RAB23: variants seen among roughly 807,000 people sequenced by gnomAD.
RAB23 encodes RAB23, member RAS oncogene family.
A neutral mutation model predicts 30.0 loss-of-function variants in RAB23; 15 were observed. That is an observed-to-expected ratio of 0.50 (90% CI 0.33 to 0.77). The LOEUF is 0.77. Ranked by LOEUF, RAB23 falls within the 30% of genes least tolerant of loss-of-function variation. The pLI is 0.02. For synonymous variants in RAB23, 93 were observed against 94.0 expected (o/e 0.99, Z 0.06); for missense variants, 243 against 275.4 (o/e 0.88, Z 0.83).
At chr6:57,194,635 C>T (rs1410880816) in intron 5 of RAB23, 135 bp downstream of exon 5, 1 of 638,518 alleles carries the variant, frequency 1.6e-6, no homozygotes, top group African/African-American at 1.9e-5. Flanking sequence ...AAGTAGAAAG[C>T]CTTTAAATTC....
In RAB23 at chr6:57,187,243, C is replaced by T. The variant is rs981397698; in HGVS notation, c.*3218G>A. On this transcript the variant is annotated 3_prime_UTR_variant, in exon 7 of 7. Coordinates refer to ENST00000468148, the MANE Select transcript of RAB23 (RefSeq NM_016277.5). Reference sequence around the variant, plus strand: ...TACTAACATCCTACTGTAGATATTTCGAGAGACAGATGAAAATAATAATAA... The same window carrying T: ...TACTAACATCCTACTGTAGATATTTTGAGAGACAGATGAAAATAATAATAA... The T allele has an allele frequency of 2.6e-5, 4 of 152,164 alleles. No homozygotes were observed. Among genetic ancestry groups the T allele is most frequent in the East Asian group, 3.9e-4 (2 of 5,188 alleles). The allele number at this position is 152,164 out of a possible 1,614,324, so 9.4% of individuals were successfully genotyped here.
chr6:57,221,629 G>A (rs537004161), intron 1 of RAB23, 97 bp downstream of exon 1: 6 of 152,582 alleles, frequency 3.9e-5, no homozygotes, highest in East Asian at 1.9e-4. Flanking sequence ...CGGGACTTGG[G>A]GCAGGCAAAA....
chr6:57,210,106 G>A, intron 2 of RAB23, 120 bp downstream of exon 2: 10 of 1,021,704 alleles, frequency 9.8e-6, no homozygotes, highest in Non-Finnish European at 9.0e-6. Flanking sequence ...ACTGTCGCAT[G>A]AGCATTGCCA....
intron 1 of RAB23, among the ~76,000 whole-genome samples, chr6:57,220,366 A>G (rs906612452): frequency 6.6e-6 from 1 of 152,242 alleles, no homozygotes; most frequent in African/African-American, 2.4e-5. Context: ...AAAGTTAAAC[A>G]TACATTTACC....
At chr6:57,195,163 T>C (rs1764976285) in intron 4 of RAB23, among the ~76,000 whole-genome samples, 1 of 152,198 alleles carries the variant, frequency 6.6e-6, no homozygotes, top group Non-Finnish European at 1.5e-5. Flanking sequence ...AAGTCATTAA[T>C]CTCTAGCCCT....
chr6:57,209,206 G>A (rs917207309), intron 2 of RAB23, among the ~76,000 whole-genome samples: 2 of 152,198 alleles, frequency 1.3e-5, no homozygotes, highest in Admixed American at 6.5e-5. Context: ...CAGCTGGGAA[G>A]TGCATGATGG....
chr6:57,205,702 G>GA (rs1765433717), intron 3 of RAB23, among the ~76,000 whole-genome samples: 1 of 151,932 alleles, frequency 6.6e-6, no homozygotes, highest in African/African-American at 2.4e-5. Flanking sequence ...AAAAAGAAAA[G>GA]AAAAAAATGG....
intron 6 of RAB23, 60 bp from the exon 7 acceptor site, chr6:57,190,660 C>A: frequency 6.4e-7 from 1 of 1,562,696 alleles, no homozygotes; most frequent in Non-Finnish European, 8.8e-7. Context: ...CCTGTTGCAT[C>A]CAGCTTGTTA....
chr6:57,194,887 G>A lies in RAB23; in HGVS notation c.399-35C>T, dbSNP rs748119756. The stretch of plus-strand genomic sequence containing the variant: ...AATTTAAAAAAAAATGCTTTACAAA[G>A]GTGCCTTCTGATAGCTTGTTTTTTA... On this transcript the variant is annotated intron_variant, in intron 4 of 6. Coordinates refer to ENST00000468148, the MANE Select transcript of RAB23 (RefSeq NM_016277.5). The A allele has an allele frequency of 5.9e-6, 9 of 1,515,478 alleles. No homozygotes were observed. In the South Asian group the frequency reaches 9.0e-5, roughly 15 times the overall value. The allele number at this position is 1,515,478 out of a possible 1,614,324, so 93.9% of individuals were successfully genotyped here. A position where few individuals can be genotyped will look rare whatever the true frequency, so the allele number is the denominator to read the frequency against.
intron 2 of RAB23, among the ~76,000 whole-genome samples, chr6:57,208,111 C>T (rs1225856194): frequency 2.6e-5 from 4 of 152,158 alleles, no homozygotes; most frequent in South Asian, 2.1e-4. Context: ...TGAGTACTTT[C>T]GGATGTTGAT....
chr6:57,208,176 A>G (rs1765515751), intron 2 of RAB23, among the ~76,000 whole-genome samples: 1 of 152,094 alleles, frequency 6.6e-6, no homozygotes, highest in Middle Eastern at 3.2e-3. Flanking sequence ...ACAGCTTCCC[A>G]CATGATTTGG....
At chr6:57,193,020 A>G (rs1412366384) in intron 6 of RAB23, among the ~76,000 whole-genome samples, 1 of 152,206 alleles carries the variant, frequency 6.6e-6, no homozygotes, top group Non-Finnish European at 1.5e-5. Flanking sequence ...TGGATTGAAG[A>G]GAATCTGCAT....
Position 57,193,879 on chromosome 6 carries a change from C to T in RAB23, c.537G>A (p.Glu179=), listed in dbSNP as rs1411427174. ...TACTTGAATGCGTTAGTTCTGGATC[C>T]TCAGCTATTTGTTGTTTGAGTTTCT... ...YLQKLKQQIA[E]DPELTHSSSN... is the part of the protein sequence containing the mutation. The change falls in exon 6 of 7, where the codon GAG becomes GAA. Residue 179 remains glutamate (E), a synonymous_variant. Coordinates refer to ENST00000468148, the MANE Select transcript of RAB23 (RefSeq NM_016277.5). 6.2e-7 allele frequency: 1 copy of T among 1,612,926 alleles called. No homozygotes were observed. The highest frequency in any genetic ancestry group is 1.1e-5 in the South Asian group (1 of 90,996).
chr6:57,197,517 C>T (rs1476450450), intron 3 of RAB23, among the ~76,000 whole-genome samples: 2 of 152,154 alleles, frequency 1.3e-5, no homozygotes, highest in Non-Finnish European at 2.9e-5. Flanking sequence ...TACCATTACT[C>T]CTTCCTTACA....
intron 1 of RAB23, 88 bp from the exon 2 acceptor site, chr6:57,210,533 T>A: frequency 1.2e-6 from 1 of 837,900 alleles, no homozygotes; most frequent in Admixed American, 2.1e-5. Flanking sequence ...CACATTGCAT[T>A]GCAAGGATGT....
At chr6:57,193,581 G>A (rs1267555507) in intron 6 of RAB23, among the ~76,000 whole-genome samples, 1 of 152,090 alleles carries the variant, frequency 6.6e-6, no homozygotes, top group Admixed American at 6.5e-5. Context: ...CTGTTATAAA[G>A]TTCCTTTATA....
At chr6:57,197,899 T>C (rs985831052) in intron 3 of RAB23, among the ~76,000 whole-genome samples, 4 of 152,174 alleles carry the variant, frequency 2.6e-5, no homozygotes, top group Admixed American at 6.5e-5. Context: ...CCTGCCATCA[T>C]GCACAGCTAA....
rs112844306 is a variant in RAB23 at position 57,194,709 on chromosome 6, A to C, written c.481+61T>G. The stretch of plus-strand genomic sequence containing the variant: ...ATAAATATAATTTCTAAACAACACA[A>C]TTTTAAAAGCGCAAGAATAAAATTT... On this transcript the variant is annotated intron_variant, in intron 5 of 6. Coordinates refer to ENST00000468148, the MANE Select transcript of RAB23 (RefSeq NM_016277.5). 3.5e-5 allele frequency: 44 copies of C among 1,247,358 alleles called. 1 individual carries two copies. The African/African-American group carries it at 4.0e-4, about 11-fold the overall frequency. The allele number at this position is 1,247,358 out of a possible 1,614,324, so 77.3% of individuals were successfully genotyped here. A position where few individuals can be genotyped will look rare whatever the true frequency, so the allele number is the denominator to read the frequency against.
chr6:57,205,476 A>G (rs1174425866), intron 3 of RAB23, among the ~76,000 whole-genome samples: 2 of 152,206 alleles, frequency 1.3e-5, no homozygotes, highest in African/African-American at 4.8e-5. Flanking sequence ...CTGCCACTCC[A>G]TAAGCCAGAA....
Sources: allele counts gnomAD v4.1 joint callset (sites outside exome capture counted in the v4.1 genomes callset), GRCh38; gene constraint gnomAD v4.1.1; transcripts MANE v1.5; gene names NCBI Gene and HGNC (gene_info 2026-07-23, HGNC 2026-07-21).